Variants in GNE observed in about 807,000 individuals in gnomAD.
The protein encoded by GNE is glucosamine (UDP-N-acetyl)-2-epimerase/N-acetylmannosamine kinase, also known as bifunctional UDP-N-acetylglucosamine 2-epimerase/N-acetylmannosamine kinase.
In GNE, 41 loss-of-function variants were observed where a neutral mutation model predicts 61.8. The ratio of observed to expected loss-of-function variants is 0.66; its 90% CI spans 0.52 to 0.86. GNE has a LOEUF of 0.86. Ranked by LOEUF, GNE falls within the 40% of genes least tolerant of loss-of-function variation. The probability of loss-of-function intolerance (pLI) is 0.00; values close to 1 mark genes in which losing one functional copy is unlikely to be tolerated. For missense variants in GNE, 608 were observed against 909.1 expected, an observed-to-expected ratio of 0.67 and a Z score of 4.26; for synonymous variants, 264 against 326.4, an observed-to-expected ratio of 0.81 and a Z score of 2.06.
intron 3 of GNE, among the ~76,000 whole-genome samples, chr9:36,238,042 G>A (rs1724150966): frequency 6.6e-6 from 1 of 151,170 alleles, no homozygotes; most frequent in Non-Finnish European, 1.5e-5. Flanking sequence ...AGATATAGAT[G>A]TAGATATATA....
At position 36,215,321 on chromosome 9, in the gene GNE, T is replaced by C. The variant is rs963900104; in HGVS notation, c.*2044A>G. The C allele has an allele frequency of 1.3e-5, 2 of 152,140 alleles. No homozygotes were observed. The highest frequency in any genetic ancestry group is 6.5e-5 in the Admixed American group (1 of 15,274). The allele number at this position is 152,140 out of a possible 1,614,324, so 9.4% of individuals were successfully genotyped here. The stretch of plus-strand genomic sequence containing the variant: ...CAGAGTGAGACCCGTCTCAAAAAAA[T>C]AGAACACCTGTCACTAGACCAAATA... On this transcript the variant is annotated 3_prime_UTR_variant, in exon 12 of 12. Coordinates refer to ENST00000642385, the MANE Select transcript of GNE (RefSeq NM_005476.7).
chr9:36,248,376 G>A (rs548814108), intron 2 of GNE, among the ~76,000 whole-genome samples: 1 of 150,900 alleles, frequency 6.6e-6, no homozygotes, highest in African/African-American at 2.4e-5. Context: ...GTGCAGTGGT[G>A]TGATCTCAGC....
chr9:36,249,692 C>T (rs556582907), intron 1 of GNE, among the ~76,000 whole-genome samples: 5 of 151,838 alleles, frequency 3.3e-5, no homozygotes, highest in African/African-American at 4.8e-5. Context: ...TCCTGGCTAA[C>T]GTGGTGAAAC....
intron 7 of GNE, among the ~76,000 whole-genome samples, chr9:36,225,136 A>G (rs1828803664): frequency 6.6e-6 from 1 of 152,194 alleles, no homozygotes; most frequent in South Asian, 2.1e-4. Flanking sequence ...ACTTCCATCC[A>G]GGGCATTTTT....
intron 1 of GNE, among the ~76,000 whole-genome samples, chr9:36,251,042 T>A (rs1587351330): frequency 6.6e-6 from 1 of 150,592 alleles, no homozygotes; most frequent in African/African-American, 2.5e-5. Flanking sequence ...AAATTACCCT[T>A]CTCTGTGCCA....
chr9:36,249,280 C>A lies in GNE; in HGVS notation c.76G>T (p.Ala26Ser). 1 of 1,614,126 alleles carries A rather than the reference C, an allele frequency of 6.2e-7. No individual in the cohort carries two copies. The highest frequency in any genetic ancestry group is 8.5e-7 in the Non-Finnish European group (1 of 1,179,982). The change falls in exon 2 of 12, where the codon GCC becomes TCC. Residue 26 changes from alanine to serine, a missense_variant. Transcript: ENST00000642385. Reference protein sequence around the residue: ...TCNRADYSKLAPIMFGIKTEP... With the variant: ...TCNRADYSKLSPIMFGIKTEP... The stretch of plus-strand genomic sequence containing the variant: ...GTTTTAATGCCAAACATGATCGGGG[C>A]AAGTTTAGAATAATCTGCACGGTTA...
Position 36,274,006 on chromosome 9 carries a change from A to G in GNE, c.51+2888T>C, listed in dbSNP as rs562580534. Among the ~76,000 whole-genome samples, 9 of 152,112 alleles carry G rather than the reference A, an allele frequency of 5.9e-5. No homozygotes were observed. In the South Asian group the frequency reaches 1.7e-3, roughly 28 times the overall value. ...TCTTAGACAACTGAATGACTGTTAG[A>G]CATCACTAAATTTAATGGGGCATAA... On this transcript the variant is annotated intron_variant, in intron 1 of 11. Coordinates refer to the GNE transcript ENST00000396594.
At chr9:36,228,618 AC>A (rs1828999623) in intron 6 of GNE, among the ~76,000 whole-genome samples, 1 of 151,810 alleles carries the variant, frequency 6.6e-6, no homozygotes, top group Non-Finnish European at 1.5e-5. Flanking sequence ...ACATGGTGAA[AC>A]CCCATCTCTA....
intron 3 of GNE, among the ~76,000 whole-genome samples, chr9:36,240,225 C>T (rs1829577450): frequency 6.6e-6 from 1 of 152,116 alleles, no homozygotes; most frequent in South Asian, 2.1e-4. Flanking sequence ...GAGTGGGCAT[C>T]CTTGTCTTGT....
chr9:36,245,733 C>T (rs1724647136), intron 3 of GNE, among the ~76,000 whole-genome samples: 2 of 152,022 alleles, frequency 1.3e-5, no homozygotes, highest in Admixed American at 1.3e-4. Context: ...TTTTATAGCT[C>T]CCCCTTTTGA....
chr9:36,226,743 T>C (rs1048184960), intron 7 of GNE, among the ~76,000 whole-genome samples: 1 of 152,224 alleles, frequency 6.6e-6, no homozygotes. Context: ...TTTTTATGAA[T>C]GTTCTCTCAC....
chr9:36,227,961 A>G (rs1296596349), intron 6 of GNE, among the ~76,000 whole-genome samples: 1 of 150,874 alleles, frequency 6.6e-6, no homozygotes, highest in Non-Finnish European at 1.5e-5. Context: ...TGAACCCGGG[A>G]AGCGGAGGTT....
chr9:36,223,941 G>A (rs1023753813), intron 7 of GNE, among the ~76,000 whole-genome samples: 1 of 151,830 alleles, frequency 6.6e-6, no homozygotes, highest in Non-Finnish European at 1.5e-5. Context: ...TAGTAGAGAT[G>A]GGGTTTCACC....
chr9:36,268,387 T>C (rs4878649), intron 1 of GNE, among the ~76,000 whole-genome samples: 119,007 of 152,082 alleles, frequency 0.78, 47,163 homozygotes, highest in African/African-American at 0.85. Flanking sequence ...TGTGGGAAGC[T>C]GGGTGTGGTG....
At chr9:36,261,854 C>T (rs1046562854), upstream of GNE, among the ~76,000 whole-genome samples, 3 of 149,620 alleles carry the variant, frequency 2.0e-5, no homozygotes, top group African/African-American at 4.9e-5. Flanking sequence ...ACCCGGGAGG[C>T]GGAGCTTGCA....
In GNE at chr9:36,228,875, C is replaced by T. The variant is rs1829016039; in HGVS notation, c.1070+146G>A. On this transcript the variant is annotated intron_variant, in intron 6 of 11. Coordinates refer to ENST00000642385, the MANE Select transcript of GNE (RefSeq NM_005476.7). Reference sequence around the variant, plus strand: ...ACAGTAATAATGGGTATGATATTAGCAATCCCTGTCTCCCCAGCAACTAGG... The same window carrying T: ...ACAGTAATAATGGGTATGATATTAGTAATCCCTGTCTCCCCAGCAACTAGG... The T allele has an allele frequency of 4.2e-6, 3 of 707,568 alleles. No homozygotes were observed. The South Asian group carries it at 4.4e-5, about 10-fold the overall frequency. The allele number at this position is 707,568 out of a possible 1,614,324, so 43.8% of individuals were successfully genotyped here. A position where few individuals can be genotyped will look rare whatever the true frequency, so the allele number is the denominator to read the frequency against.
chr9:36,260,022 C>T (rs1830552529), upstream of GNE, among the ~76,000 whole-genome samples: 1 of 151,872 alleles, frequency 6.6e-6, no homozygotes, highest in South Asian at 2.1e-4. Flanking sequence ...AGCAGTGAAA[C>T]TCAACTGAAG....
chr9:36,218,175 A>C lies in GNE; in HGVS notation c.1933+8T>G, dbSNP rs768321445. On this transcript the variant is annotated splice_region_variant and intron_variant, in intron 11 of 11. Transcript: ENST00000642385. The surrounding 1 kb of genome is among the most constrained non-coding windows in gnomAD (Gnocchi z 4.1). ...CTGCAGCACAGCCACCTGCAGCCAC[A>C]TGCTCACCTGTTCTTAGGATGCTCT... is the stretch of plus-strand genomic sequence containing the variant. 1 of 1,594,488 alleles carries C rather than the reference A, an allele frequency of 6.3e-7. No homozygotes were observed. The highest frequency in any genetic ancestry group is 2.2e-5 in the East Asian group (1 of 44,758).
At position 36,223,222 on chromosome 9, in the gene GNE, AG is replaced by A. The variant is rs369056516; in HGVS notation, c.1411+150del. ...CTCTCCTAATGCTTGTTGGTGTCCC[AG>A]GAAGTCCCCATGCTTGGGGCCCACA... On this transcript the variant is annotated intron_variant, in intron 8 of 11. Coordinates refer to ENST00000642385, the MANE Select transcript of GNE (RefSeq NM_005476.7). The A allele has an allele frequency of 2.0e-4, 168 of 830,238 alleles. No homozygotes were observed. In the East Asian group the frequency reaches 3.3e-3, roughly 16 times the overall value. The allele number at this position is 830,238 out of a possible 1,614,324, so 51.4% of individuals were successfully genotyped here.
Sources: allele counts gnomAD v4.1 joint callset (sites outside exome capture counted in the v4.1 genomes callset), GRCh38; gene constraint gnomAD v4.1.1; non-coding constraint Gnocchi (gnomAD v3.1); transcripts MANE v1.5; gene names NCBI Gene and HGNC (gene_info 2026-07-23, HGNC 2026-07-21).